Variants in IPCEF1 observed in about 807,000 individuals in gnomAD.
The protein encoded by IPCEF1 is interaction protein for cytohesin exchange factors 1, also known as interactor protein for cytohesin exchange factors 1.
In IPCEF1, 31 loss-of-function variants were observed where a neutral mutation model predicts 50.9. That is an observed-to-expected ratio of 0.61 (90% confidence interval 0.46 to 0.82). The LOEUF (loss-of-function observed/expected upper bound fraction) is 0.82. IPCEF1 is among the 40% of genes least tolerant of loss of function. The pLI is 0.00. For missense variants in IPCEF1, 458 were observed against 514.0 expected (o/e 0.89, Z 1.05); for synonymous variants, 181 against 192.0 (o/e 0.94, Z 0.47).
chr6:154,239,704 G>A (rs2128634744), intron 5 of IPCEF1, among the ~76,000 whole-genome samples: 1 of 132,968 alleles, frequency 7.5e-6, no homozygotes, highest in Admixed American at 7.2e-5. Context: ...TGTCTTCACT[G>A]AAGAAACTTT....
chr6:154,158,006 T>C lies in IPCEF1; in HGVS notation c.*1822A>G, dbSNP rs996012022. On this transcript the variant is annotated 3_prime_UTR_variant, in exon 12 of 12. Coordinates refer to ENST00000367220, the MANE Select transcript of IPCEF1 (RefSeq NM_001130700.2). Reference sequence around the variant, plus strand: ...GTTTGCTGGGCCAAACTGACTGGCCTGGCCTCTTATCTTAGAGAAGTTTCT... The same window carrying C: ...GTTTGCTGGGCCAAACTGACTGGCCCGGCCTCTTATCTTAGAGAAGTTTCT... 2 of 152,298 alleles carry C rather than the reference T, an allele frequency of 1.3e-5. No individual in the cohort carries two copies. The highest frequency in any genetic ancestry group is 4.8e-5 in the African/African-American group (2 of 41,466). The allele number at this position is 152,298 out of a possible 1,614,324, so 9.4% of individuals were successfully genotyped here.
At chr6:154,214,643 G>A (rs186277482) in intron 7 of IPCEF1, among the ~76,000 whole-genome samples, 1 of 152,170 alleles carries the variant, frequency 6.6e-6, no homozygotes, top group East Asian at 1.9e-4. Context: ...AAGTTATTAG[G>A]TGTTACTCTT....
At position 154,253,133 on chromosome 6, in the gene IPCEF1, C is replaced by CCT. The variant is rs1781377630; in HGVS notation, c.37-5647_37-5646dup. ...GTGTACTCCTTCCCTTTTTCATTTC[C>CCT]CTCTCATTCTCCTCACATTACACTA... On this transcript the variant is annotated intron_variant, in intron 3 of 11. Coordinates refer to ENST00000367220, the MANE Select transcript of IPCEF1 (RefSeq NM_001130700.2). Among the ~76,000 whole-genome samples, 3 of 151,698 alleles carry CCT rather than the reference C, an allele frequency of 2.0e-5. No homozygotes were observed. In the South Asian group the frequency reaches 6.3e-4, roughly 32 times the overall value.
chr6:154,196,489 T>C (rs1776635008), intron 10 of IPCEF1, among the ~76,000 whole-genome samples: 1 of 152,210 alleles, frequency 6.6e-6, no homozygotes, highest in African/African-American at 2.4e-5. Context: ...CCTGATAATT[T>C]ATTTGTATAA....
At chr6:154,338,929 C>A (rs929498302) in intron 1 of IPCEF1, among the ~76,000 whole-genome samples, 1 of 152,090 alleles carries the variant, frequency 6.6e-6, no homozygotes, top group African/African-American at 2.4e-5. Flanking sequence ...CACAGCAAAA[C>A]CCTGCCTCTA....
chr6:154,196,190 T>C (rs891268430), intron 10 of IPCEF1, among the ~76,000 whole-genome samples: 1 of 152,158 alleles, frequency 6.6e-6, no homozygotes, highest in Non-Finnish European at 1.5e-5. Flanking sequence ...AATGCAAAAT[T>C]GAATGGAGTC....
At chr6:154,201,666 G>A (rs1339445052) in intron 9 of IPCEF1, among the ~76,000 whole-genome samples, 1 of 152,056 alleles carries the variant, frequency 6.6e-6, no homozygotes, top group East Asian at 1.9e-4. Flanking sequence ...AGGCCGAGGT[G>A]GGCAGATCTC....
chr6:154,204,240 T>C (rs900002983), intron 9 of IPCEF1, among the ~76,000 whole-genome samples: 1 of 152,204 alleles, frequency 6.6e-6, no homozygotes, highest in Non-Finnish European at 1.5e-5. Flanking sequence ...TTTCTTGGAA[T>C]TGTTTTTCAA....
chr6:154,245,155 T>A (rs1340288311), intron 5 of IPCEF1, among the ~76,000 whole-genome samples: 2 of 152,004 alleles, frequency 1.3e-5, no homozygotes, highest in African/African-American at 2.4e-5. Flanking sequence ...CTAGACAAGA[T>A]GAAGAATGTA....
At chr6:154,226,980 T>C (rs1479930177) in intron 5 of IPCEF1, among the ~76,000 whole-genome samples, 1 of 152,034 alleles carries the variant, frequency 6.6e-6, no homozygotes, top group African/African-American at 2.4e-5. Context: ...GCGGATCACC[T>C]GAGGTTAGGA....
rs534533813 is a variant in IPCEF1, at chr6:154,213,494, C to T, written c.452-639G>A. On this transcript the variant is annotated intron_variant, in intron 8 of 11. Coordinates refer to ENST00000367220, the MANE Select transcript of IPCEF1 (RefSeq NM_001130700.2). ...ACACCACCGATTTCATGGTATTGCA[C>T]GGTACCCCTTTACTGTTTCAAATCA... Among the ~76,000 whole-genome samples, 19 of 152,308 alleles carry T rather than the reference C, an allele frequency of 1.2e-4. No individual in the cohort carries two copies. The East Asian group carries it at 1.9e-3, about 15-fold the overall frequency.
intron 7 of IPCEF1, among the ~76,000 whole-genome samples, chr6:154,214,604 T>C (rs1371137386): frequency 6.6e-6 from 1 of 152,222 alleles, no homozygotes; most frequent in Non-Finnish European, 1.5e-5. Flanking sequence ...TCAAATCCTT[T>C]ATCACTGGAT....
chr6:154,273,759 T>C (rs1781967860), intron 2 of IPCEF1, among the ~76,000 whole-genome samples: 2 of 64,682 alleles, frequency 3.1e-5, no homozygotes, highest in African/African-American at 6.5e-5. Flanking sequence ...TTTTTTTTTT[T>C]TTTTTTTTTT....
At chr6:154,339,819 A>G (rs1388639516) in intron 1 of IPCEF1, among the ~76,000 whole-genome samples, 9 of 152,046 alleles carry the variant, frequency 5.9e-5, no homozygotes, top group Admixed American at 5.9e-4. Context: ...GCTCGTCTGG[A>G]ACACTTGGGC....
chr6:154,273,757 T>C lies in IPCEF1; in HGVS notation c.-17-7793A>G, dbSNP rs796264191. On this transcript the variant is annotated intron_variant, in intron 2 of 11. Transcript: ENST00000367220. ...TTTTTTTTTTTTTTTTTTTTTTTTTTTTTTTTTTTTTTTTGAGGCAGAGTC... is the reference window on the plus strand; with the variant it reads ...TTTTTTTTTTTTTTTTTTTTTTTTTCTTTTTTTTTTTTTTGAGGCAGAGTC... Among the ~76,000 whole-genome samples the C allele has an allele frequency of 9.2e-3, 527 of 57,144 alleles. 32 individuals carry two copies. The highest frequency in any genetic ancestry group is 0.034 in the African/African-American group (502 of 14,620). 37.5% of individuals were successfully genotyped at this position (57,144 alleles called of 152,430 possible).
intron 2 of IPCEF1, among the ~76,000 whole-genome samples, chr6:154,268,213 A>T (rs1781807556): frequency 6.6e-6 from 1 of 152,112 alleles, no homozygotes; most frequent in African/African-American, 2.4e-5. Context: ...AGAAGCAGGC[A>T]CTCCTGAGCC....
chr6:154,273,294 C>T (rs933237476), intron 2 of IPCEF1, among the ~76,000 whole-genome samples: 19 of 152,028 alleles, frequency 1.2e-4, no homozygotes, highest in African/African-American at 4.6e-4. Flanking sequence ...TAAGAGGAAA[C>T]AAAAAAATGC....
At chr6:154,260,173 T>A (rs1781560098) in intron 3 of IPCEF1, among the ~76,000 whole-genome samples, 1 of 152,184 alleles carries the variant, frequency 6.6e-6, no homozygotes, top group African/African-American at 2.4e-5. Flanking sequence ...ATTAGACAGA[T>A]CATCCCACAG....
At chr6:154,327,453 A>C (rs1783549426) in intron 1 of IPCEF1, among the ~76,000 whole-genome samples, 1 of 152,206 alleles carries the variant, frequency 6.6e-6, no homozygotes, top group Non-Finnish European at 1.5e-5. Flanking sequence ...TGGCCAAAAA[A>C]CATATGGGGA....
Sources: allele counts gnomAD v4.1 joint callset (sites outside exome capture counted in the v4.1 genomes callset), GRCh38; gene constraint gnomAD v4.1.1; transcripts MANE v1.5; gene names NCBI Gene and HGNC (gene_info 2026-07-23, HGNC 2026-07-21).